Variants in SETBP1 observed in about 807,000 individuals in gnomAD.
SETBP1 encodes SET-binding protein.
SETBP1 carries 9 observed loss-of-function variants against 101.0 expected under a neutral mutation model. The ratio of observed to expected loss-of-function variants is 0.09; its 90% CI spans 0.05 to 0.16. SETBP1 has a LOEUF of 0.16. SETBP1 is among the 10% of genes least tolerant of loss of function. The pLI is 1.00. For missense variants in SETBP1, 1,858 were observed against 2,033.8 expected, an observed-to-expected ratio of 0.91 and a Z score of 1.66; for synonymous variants, 818 against 788.5, an observed-to-expected ratio of 1.04 and a Z score of -0.63.
chr18:44,856,095 C>T (rs1263287471), intron 2 of SETBP1, among the ~76,000 whole-genome samples: 20 of 147,454 alleles, frequency 1.4e-4, no homozygotes, highest in African/African-American at 5.0e-4. Context: ...GGTTCACATT[C>T]CCTATTTCAC....
At chr18:45,036,355 A>G (rs575438611) in intron 4 of SETBP1, among the ~76,000 whole-genome samples, 2 of 151,460 alleles carry the variant, frequency 1.3e-5, no homozygotes, top group African/African-American at 2.4e-5. Flanking sequence ...AAAAAGGCTA[A>G]GAAGTAAAAA....
intron 2 of SETBP1, among the ~76,000 whole-genome samples, chr18:44,827,459 G>A (rs2072261487): frequency 6.6e-6 from 1 of 152,086 alleles, no homozygotes; most frequent in African/African-American, 2.4e-5. Context: ...TCTGAATATT[G>A]AGCTGACATG....
At chr18:44,894,526 T>C (rs1037662413) in intron 3 of SETBP1, among the ~76,000 whole-genome samples, 2 of 152,032 alleles carry the variant, frequency 1.3e-5, no homozygotes, top group African/African-American at 4.8e-5. Context: ...AAAATCATTA[T>C]ATAAGGAGGA....
intron 4 of SETBP1, among the ~76,000 whole-genome samples, chr18:45,030,835 T>G (rs1311143515): frequency 1.3e-5 from 2 of 152,036 alleles, no homozygotes; most frequent in Non-Finnish European, 2.9e-5. Context: ...GTAGTTTGTA[T>G]TTCTGTGGGA....
At chr18:44,746,441 C>T (rs1376331349) in intron 2 of SETBP1, among the ~76,000 whole-genome samples, 1 of 152,042 alleles carries the variant, frequency 6.6e-6, no homozygotes, top group Non-Finnish European at 1.5e-5. Context: ...AGGCCATGTT[C>T]CAAAATGGAG....
At chr18:44,741,780 G>A (rs575214821) in intron 2 of SETBP1, among the ~76,000 whole-genome samples, 3 of 152,046 alleles carry the variant, frequency 2.0e-5, no homozygotes, top group East Asian at 1.9e-4. Context: ...CTTGGAATCC[G>A]GTGCCTGCCA....
At chr18:44,745,419 A>G (rs1159259571) in intron 2 of SETBP1, among the ~76,000 whole-genome samples, 2 of 152,146 alleles carry the variant, frequency 1.3e-5, no homozygotes, top group Non-Finnish European at 2.9e-5. Context: ...TCCTTGATTC[A>G]TTGTGTGACC....
chr18:44,853,115 A>G (rs986051922), intron 2 of SETBP1, among the ~76,000 whole-genome samples: 1 of 152,212 alleles, frequency 6.6e-6, no homozygotes, highest in Admixed American at 6.5e-5. Flanking sequence ...GCTTCATAGA[A>G]GAGCCAACAT....
At chr18:45,030,043 C>A (rs1031463426) in intron 4 of SETBP1, among the ~76,000 whole-genome samples, 1 of 145,078 alleles carries the variant, frequency 6.9e-6, no homozygotes, top group African/African-American at 2.5e-5. Flanking sequence ...ACTTCCAACG[C>A]TATGTTGAAT....
At chr18:44,803,716 C>T (rs1174699393) in intron 2 of SETBP1, among the ~76,000 whole-genome samples, 3 of 152,054 alleles carry the variant, frequency 2.0e-5, no homozygotes, top group Non-Finnish European at 2.9e-5. Context: ...TTCTCTTCAC[C>T]TCTTTTTCAC....
chr18:44,825,761 G>A (rs1297721823), intron 2 of SETBP1, among the ~76,000 whole-genome samples: 2 of 152,170 alleles, frequency 1.3e-5, no homozygotes, highest in Non-Finnish European at 2.9e-5. Flanking sequence ...TAATAATAAT[G>A]TCCTTGTCTT....
At chr18:44,988,769 A>G (rs1256346275) in intron 4 of SETBP1, 5 of 152,232 alleles carry the variant, frequency 3.3e-5, no homozygotes, top group Admixed American at 3.3e-4. Context: ...CTGAAATAGC[A>G]TATAGCCCAT....
Position 44,980,468 on chromosome 18 carries a change from G to A in SETBP1, c.4000+27128G>A, listed in dbSNP as rs567140208. Among the ~76,000 whole-genome samples the A allele has an allele frequency of 4.0e-5, 6 of 150,770 alleles. No individual in the cohort carries two copies. In the South Asian group the frequency reaches 6.3e-4, roughly 16 times the overall value. On this transcript the variant is annotated intron_variant, in intron 4 of 5. Coordinates refer to ENST00000649279, the MANE Select transcript of SETBP1 (RefSeq NM_015559.3). ...CAGCCCCAAGTAGTTTCTCTGATTC[G>A]CACATTCTTCTGCTTTAAAAAAAAA...
chr18:44,769,626 G>A (rs1020064385), intron 2 of SETBP1, among the ~76,000 whole-genome samples: 23 of 152,186 alleles, frequency 1.5e-4, no homozygotes, highest in Admixed American at 1.4e-3. Context: ...TCTACTTGTT[G>A]AGAATGGAGA....
rs2073446205 is a variant in SETBP1 at position 45,038,551 on chromosome 18, C to T, written c.4067C>T (p.Pro1356Leu). 1 of 1,613,998 alleles carries T rather than the reference C, an allele frequency of 6.2e-7. No individual in the cohort carries two copies. The highest frequency in any genetic ancestry group is 8.5e-7 in the Non-Finnish European group (1 of 1,180,004). ...CATAGTAAGAACGAAGGCTCAGTGC[C>T]CACCATGATGACCAGGAAGAAGCCA... is the stretch of plus-strand genomic sequence containing the variant. The part of the protein sequence containing the change: ...AVHSKNEGSV[P>L]TMMTRKKPAA... Residue 1356 changes from proline to leucine, a missense_variant, in exon 5 of 6, where the codon CCC becomes CTC. Transcript: ENST00000649279.
intron 3 of SETBP1, among the ~76,000 whole-genome samples, chr18:44,880,845 GCTCCACCTCC>G (rs2069515436): frequency 6.6e-6 from 1 of 152,084 alleles, no homozygotes; most frequent in African/African-American, 2.4e-5. Flanking sequence ...CTCCCACAAG[GCTCCACCTCC>G]AAGTTTGAGA....
intron 5 of SETBP1, among the ~76,000 whole-genome samples, chr18:45,057,458 T>A (rs1419038162): frequency 6.6e-6 from 1 of 152,082 alleles, no homozygotes; most frequent in African/African-American, 2.4e-5. Context: ...GATCACATAG[T>A]ATGCACCAGA....
Position 44,806,565 on chromosome 18 carries a change from C to T in SETBP1, c.487-62665C>T, listed in dbSNP as rs1180985855. On this transcript the variant is annotated intron_variant, in intron 2 of 5. Transcript: ENST00000649279. ...AACTCTTAACATGCTGAAAACTAGC[C>T]TACGTTTTCTGACTGAACTTTGTTT... Among the ~76,000 whole-genome samples, 15 of 144,944 alleles carry T rather than the reference C, an allele frequency of 1.0e-4. No individual in the cohort carries two copies. In the Admixed American group the frequency reaches 1.1e-3, roughly 10 times the overall value.
chr18:44,747,587 A>G (rs2070284706), intron 2 of SETBP1, among the ~76,000 whole-genome samples: 2 of 152,246 alleles, frequency 1.3e-5, no homozygotes, highest in African/African-American at 2.4e-5. Flanking sequence ...TGCATGTGTG[A>G]GATTAAGTAC....
Sources: allele counts gnomAD v4.1 joint callset (sites outside exome capture counted in the v4.1 genomes callset), GRCh38; gene constraint gnomAD v4.1.1; transcripts MANE v1.5; gene names NCBI Gene and HGNC (gene_info 2026-07-23, HGNC 2026-07-21).